TENM4: variants seen among roughly 807,000 people sequenced by gnomAD.
The protein encoded by TENM4 is teneurin transmembrane protein 4, also known as teneurin-4.
In TENM4, 82 loss-of-function variants were observed where a neutral mutation model predicts 243.3. The observed-to-expected ratio is 0.34, with a 90% confidence interval of 0.28 to 0.40. The LOEUF is 0.40. TENM4 is among the 10% of genes least tolerant of loss of function. The pLI is 1.00. For missense variants in TENM4, 3,138 were observed against 3,673.3 expected, an observed-to-expected ratio of 0.85 and a Z score of 3.77; for synonymous variants, 1,412 against 1,456.3, an observed-to-expected ratio of 0.97 and a Z score of 0.69.
chr11:79,209,115 T>C (rs1404447434), intron 3 of TENM4, among the ~76,000 whole-genome samples: 1 of 152,222 alleles, frequency 6.6e-6, no homozygotes, highest in Non-Finnish European at 1.5e-5. Context: ...CCTTCCCATT[T>C]GGAAATAAAC....
At chr11:79,428,521 G>C (rs1216321780) in intron 1 of TENM4, among the ~76,000 whole-genome samples, 1 of 152,186 alleles carries the variant, frequency 6.6e-6, no homozygotes, top group Non-Finnish European at 1.5e-5. Context: ...TTGCCAGCTT[G>C]GTGGAGGGTT....
intron 1 of TENM4, chr11:79,401,957 A>G: frequency 3.1e-6 from 1 of 325,296 alleles, no homozygotes; most frequent in South Asian, 2.9e-5. Flanking sequence ...GGTTGACGCC[A>G]TGGGGATGGA....
chr11:79,206,740 G>A (rs193119176), intron 3 of TENM4, among the ~76,000 whole-genome samples: 7 of 152,142 alleles, frequency 4.6e-5, no homozygotes, highest in Non-Finnish European at 7.4e-5. Context: ...TTCCACCTCC[G>A]GCCATGATTC....
In TENM4 at chr11:78,738,532, T is replaced by C. The variant is rs777452028; in HGVS notation, c.2795A>G (p.Asp932Gly). 7 of 1,613,752 alleles carry C rather than the reference T, an allele frequency of 4.3e-6. No homozygotes were observed. Among genetic ancestry groups the C allele is most frequent in the Non-Finnish European group, 5.9e-6 (7 of 1,179,836 alleles). The stretch of plus-strand genomic sequence containing the variant: ...GTTCACACCAACCAGGGGGGTTCCA[T>C]CTGATGTCATCACTTGGCCACGAAT... ...CVIRGQVMTSDGTPLVGVNIS... is the reference protein window; with the variant it reads ...CVIRGQVMTSGGTPLVGVNIS... The change falls in exon 20 of 34, where the codon GAT (aspartate) becomes GGT (glycine). Residue 932 changes from aspartate (D) to glycine (G), a missense_variant. Coordinates refer to ENST00000278550, the MANE Select transcript of TENM4 (RefSeq NM_001098816.3).
intron 3 of TENM4, among the ~76,000 whole-genome samples, chr11:79,212,885 G>A (rs890489397): frequency 2.6e-5 from 4 of 152,178 alleles, no homozygotes; most frequent in African/African-American, 4.8e-5. Flanking sequence ...CCTCCTGACC[G>A]AGGGAGACGG....
intron 3 of TENM4, among the ~76,000 whole-genome samples, chr11:79,179,703 A>T (rs572627070): frequency 1.3e-5 from 2 of 151,968 alleles, no homozygotes; most frequent in East Asian, 3.9e-4. Context: ...ATTGTTAAGG[A>T]CAGATGATAA....
At position 79,132,896 on chromosome 11, in the gene TENM4, T is replaced by C. The variant is rs566617038; in HGVS notation, c.-66+15814A>G. ...CCTAAACACCTACATCAAAAAACAC[T>C]GAAAGAGCACAAACTGACATTCTAA... On this transcript the variant is annotated intron_variant, in intron 4 of 33. Transcript: ENST00000278550. Among the ~76,000 whole-genome samples the C allele has an allele frequency of 1.6e-4, 25 of 152,014 alleles. No homozygotes were observed. In the South Asian group the frequency reaches 4.8e-3, roughly 29 times the overall value.
At chr11:79,055,597 G>A (rs1286224890) in intron 6 of TENM4, among the ~76,000 whole-genome samples, 4 of 152,118 alleles carry the variant, frequency 2.6e-5, no homozygotes, top group African/African-American at 9.7e-5. Context: ...TTCATGATTG[G>A]TTGACCCATA....
intron 18 of TENM4, 31 bp from the exon 19 acceptor site, chr11:78,757,052 T>C (rs748117068): frequency 2.5e-6 from 4 of 1,593,910 alleles, no homozygotes; most frequent in African/African-American, 1.3e-5. Flanking sequence ...GTGGTTTATA[T>C]TGCTATGTTC....
At chr11:79,262,209 T>C (rs1389557895) in intron 2 of TENM4, among the ~76,000 whole-genome samples, 4 of 152,068 alleles carry the variant, frequency 2.6e-5, no homozygotes, top group African/African-American at 4.8e-5. Flanking sequence ...ACCCACAAAA[T>C]GGGGTCAATA....
intron 2 of TENM4, among the ~76,000 whole-genome samples, chr11:79,236,005 C>T (rs372034518): frequency 2.6e-5 from 4 of 152,180 alleles, no homozygotes; most frequent in African/African-American, 9.6e-5. Flanking sequence ...GTAAACAATG[C>T]GCTCCTCTTC....
chr11:79,241,719 T>C (rs1322022009), intron 2 of TENM4, among the ~76,000 whole-genome samples: 1 of 151,420 alleles, frequency 6.6e-6, no homozygotes, highest in East Asian at 1.9e-4. Context: ...CATGTGAGCG[T>C]GTGTGTGTGT....
chr11:79,149,348 ATTTT>A (rs1191009965), intron 3 of TENM4, among the ~76,000 whole-genome samples: 1 of 152,058 alleles, frequency 6.6e-6, no homozygotes, highest in East Asian at 1.9e-4. Flanking sequence ...CCATTCATTA[ATTTT>A]CAGCTCTTCT....
At position 79,233,669 on chromosome 11, in the gene TENM4, G is replaced by A. The variant is rs79439511; in HGVS notation, c.-264-17760C>T. On this transcript the variant is annotated intron_variant, in intron 2 of 33. Coordinates refer to ENST00000278550, the MANE Select transcript of TENM4 (RefSeq NM_001098816.3). ...AGGCGGGGGGCTGTGAATGGGGAGA[G>A]GAGATCGCCAGTTGGGGTAGAAGCA... is the stretch of plus-strand genomic sequence containing the variant. Among the ~76,000 whole-genome samples, 94 of 152,256 alleles carry A rather than the reference G, an allele frequency of 6.2e-4. 2 individuals are homozygous for A. The East Asian group carries it at 0.017, about 28-fold the overall frequency.
chr11:78,676,202 G>A lies in TENM4; in HGVS notation c.5446C>T (p.Arg1816Cys), dbSNP rs1858469136. The A allele has an allele frequency of 1.9e-6, 3 of 1,573,748 alleles. No individual in the cohort carries two copies. Among genetic ancestry groups the A allele is most frequent in the Non-Finnish European group, 2.6e-6 (3 of 1,156,704 alleles). The change falls in exon 30 of 34, where the codon CGC becomes TGC. Residue 1816 changes from arginine to cysteine, a missense_variant. This residue lies in a region of TENM4 where 2,467 missense variants were observed against 3,059.1 expected (regional missense o/e 0.81). Transcript: ENST00000278550. ...ACCTGGCCCCGAGCCTGCTCTTTGC[G>A]CTGGCGCCACTCCACCAGGTTGAGG... Reference protein sequence around the residue: ...NGLNLVEWRQRKEQARGQVTV... With the variant: ...NGLNLVEWRQCKEQARGQVTV...
chr11:79,085,356 G>A (rs1204451778), intron 4 of TENM4, among the ~76,000 whole-genome samples: 12 of 139,872 alleles, frequency 8.6e-5, no homozygotes, highest in African/African-American at 2.7e-4. Context: ...CAGCCTGGGC[G>A]AAAGAGCGAG....
At chr11:78,923,339 C>T (rs1856486601) in intron 6 of TENM4, among the ~76,000 whole-genome samples, 1 of 152,082 alleles carries the variant, frequency 6.6e-6, no homozygotes, top group South Asian at 2.1e-4. Flanking sequence ...CTCCAGCTTC[C>T]ATTCTGCCTT....
intron 1 of TENM4, among the ~76,000 whole-genome samples, chr11:79,437,727 G>A (rs892427656): frequency 2.6e-5 from 4 of 152,188 alleles, no homozygotes; most frequent in Non-Finnish European, 5.9e-5. Flanking sequence ...CGGGAAACAG[G>A]TTGCCGCGGA....
intron 2 of TENM4, among the ~76,000 whole-genome samples, chr11:79,277,386 A>G (rs1280845792): frequency 6.6e-6 from 1 of 152,144 alleles, no homozygotes; most frequent in African/African-American, 2.4e-5. Flanking sequence ...CTTTACAATA[A>G]CTCTATGAGA....
Sources: gnomAD v4.1 joint callset for allele counts (sites outside exome capture counted in the v4.1 genomes callset) on GRCh38, gnomAD v4.1.1 for gene constraint, gnomAD v4.1.1 regional missense constraint, MANE v1.5 for transcripts, NCBI Gene and HGNC (gene_info 2026-07-23, HGNC 2026-07-21) for gene names.